NCMAP: variants seen among roughly 807,000 people sequenced by gnomAD.
The protein encoded by NCMAP is noncompact myelin-associated protein.
In NCMAP, 8 loss-of-function variants were observed where a neutral mutation model predicts 7.8. The ratio of observed to expected loss-of-function variants is 1.02; its 90% confidence interval spans 0.60 to 1.84. The LOEUF (loss-of-function observed/expected upper bound fraction) is 1.84. NCMAP is among the 40% of genes most tolerant of loss of function. The pLI is 0.00. For synonymous variants in NCMAP, 41 were observed against 52.9 expected, an observed-to-expected ratio of 0.78 and a Z score of 0.98; for missense variants, 112 against 131.4, an observed-to-expected ratio of 0.85 and a Z score of 0.72.
intron 3 of NCMAP, 26 bp from the exon 4 acceptor site, chr1:24,605,580 A>G: frequency 1.2e-6 from 2 of 1,612,676 alleles, no homozygotes; most frequent in South Asian, 1.1e-5. Flanking sequence ...GAAAGACTCA[A>G]CCATGTGCAC....
intron 1 of NCMAP, among the ~76,000 whole-genome samples, chr1:24,581,888 T>C (rs1271459427): frequency 6.6e-6 from 1 of 152,196 alleles, no homozygotes; most frequent in Non-Finnish European, 1.5e-5. Flanking sequence ...ACAGATGGGA[T>C]AGAATTCTGG....
intron 1 of NCMAP, among the ~76,000 whole-genome samples, chr1:24,569,229 GGTGACCCACCT>G (rs1239477044): frequency 6.6e-6 from 1 of 151,800 alleles, no homozygotes; most frequent in East Asian, 1.9e-4. Context: ...TCTGACCTCA[GGTGACCCACCT>G]GCCTCAGCCT....
At chr1:24,575,589 T>C (rs1651529916) in intron 1 of NCMAP, among the ~76,000 whole-genome samples, 2 of 152,200 alleles carry the variant, frequency 1.3e-5, no homozygotes, top group Admixed American at 1.3e-4. Flanking sequence ...ACTTGGCATT[T>C]GCAAGCTCAT....
At chr1:24,562,919 C>T (rs2148924947) in intron 1 of NCMAP, among the ~76,000 whole-genome samples, 1 of 152,334 alleles carries the variant, frequency 6.6e-6, no homozygotes, top group Admixed American at 6.5e-5. Flanking sequence ...CTCATCCCTT[C>T]CCCCTCCTTA....
intron 1 of NCMAP, among the ~76,000 whole-genome samples, chr1:24,572,506 G>A (rs1320974528): frequency 6.6e-6 from 1 of 150,558 alleles, no homozygotes; most frequent in Admixed American, 6.6e-5. Context: ...GAGAGGAAGT[G>A]AAGAACCTGC....
chr1:24,605,030 C>T (rs184666972), intron 3 of NCMAP, among the ~76,000 whole-genome samples: 3 of 151,702 alleles, frequency 2.0e-5, no homozygotes, highest in Non-Finnish European at 2.9e-5. Context: ...GCAGGAGAAT[C>T]GCTTGAACCC....
intron 1 of NCMAP, 126 bp downstream of exon 1, chr1:24,556,295 A>T (rs1393111346): frequency 6.6e-6 from 1 of 151,262 alleles, no homozygotes; most frequent in African/African-American, 2.4e-5. Context: ...GGGGGTGGGG[A>T]CGAGGGGTCC....
At chr1:24,556,221 C>G (rs1008654526) in intron 1 of NCMAP, 52 bp downstream of exon 1, 1 of 152,444 alleles carries the variant, frequency 6.6e-6, no homozygotes, top group Middle Eastern at 3.2e-3. Flanking sequence ...GAGCGAGGAG[C>G]GGTCCGGCCC....
intron 3 of NCMAP, among the ~76,000 whole-genome samples, chr1:24,601,325 C>T: frequency 6.6e-6 from 1 of 152,194 alleles, no homozygotes; most frequent in South Asian, 2.1e-4. Flanking sequence ...ATGTTCAGAC[C>T]TCTTCTCTCA....
Position 24,595,423 on chromosome 1 carries a change from G to C in NCMAP, c.-7-1G>C, listed in dbSNP as rs779651105. On this transcript the variant is annotated splice_acceptor_variant, in intron 1 of 3. Coordinates refer to ENST00000374392, the MANE Select transcript of NCMAP (RefSeq NM_001010980.5). LOFTEE classifies it low-confidence loss of function (5UTR_SPLICE). ...CAAAATATCTTCTTCTTTCTCATCA[G>C]GATCGAGATGACCACAGCCACCCCT... The C allele has an allele frequency of 1.2e-6, 2 of 1,602,124 alleles. No homozygotes were observed. The highest frequency in any genetic ancestry group is 3.3e-5 in the Admixed American group (2 of 59,820).
chr1:24,598,827 G>A (rs929114246), intron 2 of NCMAP, among the ~76,000 whole-genome samples: 22 of 150,988 alleles, frequency 1.5e-4, no homozygotes, highest in Admixed American at 1.1e-3. Flanking sequence ...TAGTAGAGAC[G>A]GGGTTTCACC....
At chr1:24,562,094 C>T (rs4610948) in intron 1 of NCMAP, among the ~76,000 whole-genome samples, 96,566 of 152,046 alleles carry the variant, frequency 0.64, 30,878 homozygotes, top group East Asian at 0.75. Flanking sequence ...CTCAATCCTC[C>T]TTCTTTGAAA....
At position 24,584,938 on chromosome 1, in the gene NCMAP, C is replaced by T. The variant is rs549597212; in HGVS notation, c.-7-10486C>T. Among the ~76,000 whole-genome samples the T allele has an allele frequency of 1.1e-3, 85 of 79,726 alleles. No homozygotes were observed. In the East Asian group the frequency reaches 0.033, roughly 31 times the overall value. The allele number at this position is 79,726 out of a possible 152,430, so 52.3% of individuals were successfully genotyped here. A position where few individuals can be genotyped will look rare whatever the true frequency, so the allele number is the denominator to read the frequency against. ...ATGGGAGGACAGATGGACAGAAGAA[C>T]GGGTGGAAGGACTGTGTGCCCAGTG... is the stretch of plus-strand genomic sequence containing the variant. On this transcript the variant is annotated intron_variant, in intron 1 of 3. Transcript: ENST00000374392.
At chr1:24,567,475 G>C (rs1651261901) in intron 1 of NCMAP, among the ~76,000 whole-genome samples, 1 of 152,144 alleles carries the variant, frequency 6.6e-6, no homozygotes, top group South Asian at 2.1e-4. Flanking sequence ...ATTCTGCTAG[G>C]GGGTTAACGT....
At chr1:24,581,308 G>T (rs1166468387) in intron 1 of NCMAP, among the ~76,000 whole-genome samples, 3 of 151,950 alleles carry the variant, frequency 2.0e-5, no homozygotes, top group Non-Finnish European at 4.4e-5. Flanking sequence ...GTAGAGATGG[G>T]GTTTCACCAT....
At chr1:24,599,861 A>G (rs1178511954) in intron 2 of NCMAP, among the ~76,000 whole-genome samples, 1 of 117,830 alleles carries the variant, frequency 8.5e-6, no homozygotes, top group Non-Finnish European at 1.6e-5. Flanking sequence ...AAGTGCTGGG[A>G]TTACAGGTGT....
chr1:24,587,666 A>G (rs183958815), intron 1 of NCMAP, among the ~76,000 whole-genome samples: 268 of 152,236 alleles, frequency 1.8e-3, no homozygotes, highest in African/African-American at 6.3e-3. Context: ...GGTGCACACC[A>G]ATATGCCCGG....
intron 1 of NCMAP, among the ~76,000 whole-genome samples, chr1:24,575,694 C>G (rs188772820): frequency 1.5e-3 from 226 of 152,108 alleles, no homozygotes; most frequent in Admixed American, 2.6e-3. Context: ...GCCTGTAATC[C>G]CAGTACTTTG....
At chr1:24,567,884 G>T (rs1651274127) in intron 1 of NCMAP, among the ~76,000 whole-genome samples, 2 of 152,124 alleles carry the variant, frequency 1.3e-5, no homozygotes, top group Non-Finnish European at 2.9e-5. Flanking sequence ...CAGGAGAGAG[G>T]TGGCGGGGGC....
Sources: allele counts gnomAD v4.1 joint callset (sites outside exome capture counted in the v4.1 genomes callset), GRCh38; gene constraint gnomAD v4.1.1; transcripts MANE v1.5; gene names NCBI Gene and HGNC (gene_info 2026-07-23, HGNC 2026-07-21).